Variants in SMG6 observed in about 807,000 individuals in gnomAD.
SMG6 encodes SMG6 nonsense mediated mRNA decay factor, also known as telomerase-binding protein EST1A.
A neutral mutation model predicts 142.2 loss-of-function variants in SMG6; 66 were observed. The observed-to-expected ratio is 0.46, with a 90% CI of 0.38 to 0.57. The LOEUF is 0.57. SMG6 is among the 20% of genes least tolerant of loss of function. The pLI is 0.00. For missense variants in SMG6, 1,793 were observed against 1,832.0 expected, an observed-to-expected ratio of 0.98 and a Z score of 0.39; for synonymous variants, 779 against 702.4, an observed-to-expected ratio of 1.11 and a Z score of -1.72.
At chr17:2,168,116 C>T (rs571100116) in intron 13 of SMG6, among the ~76,000 whole-genome samples, 1 of 152,160 alleles carries the variant, frequency 6.6e-6, no homozygotes, top group Admixed American at 6.5e-5. Flanking sequence ...GCTCCTCCCA[C>T]TTTGGCCTTC....
intron 6 of SMG6, among the ~76,000 whole-genome samples, chr17:2,286,922 AATTT>A (rs2074918119): frequency 7.2e-6 from 1 of 138,796 alleles, no homozygotes. Flanking sequence ...AACATAAAAT[AATTT>A]TTTTTTTTTT....
intron 10 of SMG6, among the ~76,000 whole-genome samples, chr17:2,203,483 C>T (rs999925790): frequency 6.6e-6 from 1 of 152,186 alleles, no homozygotes; most frequent in Non-Finnish European, 1.5e-5. Flanking sequence ...GGAAGCTTGC[C>T]TCTCTCCCAG....
intron 13 of SMG6, among the ~76,000 whole-genome samples, chr17:2,142,756 C>T (rs1021656151): frequency 2.0e-5 from 3 of 151,826 alleles, no homozygotes; most frequent in East Asian, 1.9e-4. Context: ...GGCGTGGTGG[C>T]GCATGCCTGT....
chr17:2,192,418 C>A (rs2126202), intron 10 of SMG6, among the ~76,000 whole-genome samples: 75,928 of 152,032 alleles, frequency 0.5, 19,188 homozygotes, highest in East Asian at 0.64. Context: ...TGGATGACAC[C>A]TAAGTCTGAT....
chr17:2,136,012 GTGTGTGTGTGTGTGTGTGTGTGTGTC>G (rs901696090), intron 13 of SMG6, among the ~76,000 whole-genome samples: 1 of 149,204 alleles, frequency 6.7e-6, no homozygotes, highest in African/African-American at 2.5e-5. Context: ...GTGTGTGTGT[GTGTGTGTGTGTGTGTGTGTGTGTGTC>G]TGTGTGTGTA....
intron 13 of SMG6, among the ~76,000 whole-genome samples, chr17:2,137,231 G>T (rs182358901): frequency 6.6e-6 from 1 of 152,256 alleles, no homozygotes; most frequent in East Asian, 1.9e-4. Flanking sequence ...ACGCTTCTTG[G>T]TACAGGTTAC....
chr17:2,186,768 G>A lies in SMG6; in HGVS notation c.3050C>T (p.Pro1017Leu), dbSNP rs749623828. Residue 1017 changes from proline (P) to leucine (L), a missense_variant, in exon 12 of 19, where the codon CCG becomes CTG. By Grantham distance (98) the Pro-to-Leu change is moderately conservative. This residue lies in a region of SMG6 where 1,597 missense variants were observed against 1,584.6 expected (regional missense o/e 1.01). Coordinates refer to ENST00000263073, the MANE Select transcript of SMG6 (RefSeq NM_017575.5). ...ACTGGGGAGCAGCTCCTTCAGGTCCGGGACAAAGGAAGACACCTTGATGTC... is the reference window on the plus strand; with the variant it reads ...ACTGGGGAGCAGCTCCTTCAGGTCCAGGACAAAGGAAGACACCTTGATGTC... Reference protein sequence around the residue: ...QDDIKVSSFVPDLKELLPSVK... With the variant: ...QDDIKVSSFVLDLKELLPSVK... 18 of 1,614,080 alleles carry A rather than the reference G, an allele frequency of 1.1e-5. No individual in the cohort carries two copies. The highest frequency in any genetic ancestry group is 8.9e-5 in the East Asian group (4 of 44,886).
rs142087324 is a variant in SMG6 at position 2,200,979 on chromosome 17, G to T, written c.2870-12464C>A. 2.0e-5 allele frequency among the ~76,000 whole-genome samples: 3 copies of T among 152,252 alleles called. No homozygotes were observed. The East Asian group carries it at 5.8e-4, about 29-fold the overall frequency. Reference sequence around the variant, plus strand: ...ATCAACTGCAATACTCTGATAAATAGCCCCTTTGCCAATGTATCTGTAATT... The same window carrying T: ...ATCAACTGCAATACTCTGATAAATATCCCCTTTGCCAATGTATCTGTAATT... On this transcript the variant is annotated intron_variant, in intron 10 of 18. Coordinates refer to ENST00000263073, the MANE Select transcript of SMG6 (RefSeq NM_017575.5).
chr17:2,239,429 TA>T (rs1188349137), intron 9 of SMG6, among the ~76,000 whole-genome samples: 1 of 152,180 alleles, frequency 6.6e-6, no homozygotes, highest in African/African-American at 2.4e-5. Context: ...GGAAGCAATC[TA>T]AAGTGCCCAA....
Position 2,061,436 on chromosome 17 carries a change from C to T in SMG6, c.*56G>A, listed in dbSNP as rs550810571. ...TGGGCATCTTCCGTGCTACACTGGG[C>T]GCCTGGTGGCCTTTCAGGAACGGTT... On this transcript the variant is annotated 3_prime_UTR_variant, in exon 19 of 19. Coordinates refer to ENST00000263073, the MANE Select transcript of SMG6 (RefSeq NM_017575.5). 3.0e-3 allele frequency: 4,544 copies of T among 1,516,544 alleles called. 12 individuals are homozygous for T. Among genetic ancestry groups the T allele is most frequent in the Non-Finnish European group, 3.6e-3 (4,113 of 1,130,274 alleles). 93.9% of individuals were successfully genotyped at this position (1,516,544 alleles called of 1,614,324 possible). A position where few individuals can be genotyped will look rare whatever the true frequency, so the allele number is the denominator to read the frequency against.
intron 13 of SMG6, among the ~76,000 whole-genome samples, chr17:2,143,253 TATGTCCACATA>T (rs1316286762): frequency 6.6e-6 from 1 of 152,166 alleles, no homozygotes; most frequent in Non-Finnish European, 1.5e-5. Flanking sequence ...AATGAAAACA[TATGTCCACATA>T]AAAACTCATA....
At chr17:2,066,245 CGTGT>C (rs372078939) in intron 16 of SMG6, among the ~76,000 whole-genome samples, 1 of 151,944 alleles carries the variant, frequency 6.6e-6, no homozygotes, top group South Asian at 2.1e-4. Context: ...TGATACTGCA[CGTGT>C]GTGTGTGCGC....
chr17:2,258,492 GGTTGCA>G (rs2074242126), intron 8 of SMG6, among the ~76,000 whole-genome samples: 1 of 151,688 alleles, frequency 6.6e-6, no homozygotes, highest in African/African-American at 2.4e-5. Context: ...GGGAAATGGA[GGTTGCA>G]GTGAGCCAAG....
chr17:2,228,182 G>C (rs968333288), intron 10 of SMG6, among the ~76,000 whole-genome samples: 1 of 152,000 alleles, frequency 6.6e-6, no homozygotes. Flanking sequence ...TTGTGCCTCA[G>C]CCTCTTGAGT....
At chr17:2,277,281 C>T (rs1314996263) in intron 8 of SMG6, among the ~76,000 whole-genome samples, 1 of 151,760 alleles carries the variant, frequency 6.6e-6, no homozygotes, top group Admixed American at 6.6e-5. Context: ...ATTCTCCTGC[C>T]TCAGCCTCCC....
chr17:2,299,435 T>C lies in SMG6; in HGVS notation c.1318A>G (p.Ser440Gly). The change falls in exon 2 of 19, where the codon AGT (serine) becomes GGT (glycine). Residue 440 changes from serine (S) to glycine (G), a missense_variant. By Grantham distance (56) the Ser-to-Gly change is moderately conservative. Transcript: ENST00000263073. This position sits in a 1 kb window ranked among gnomAD's most constrained non-coding sequence, Gnocchi z 4.3. ...CGGCCCCAACTCCGAGATCCCTTAC[T>C]ACCAGATCCAAACAAAAGCCGAGGT... ...LGPRLLFGSG[S>G]KGSRSWGRGG... The C allele has an allele frequency of 6.2e-7, 1 of 1,614,086 alleles. No individual in the cohort carries two copies. Among genetic ancestry groups the C allele is most frequent in the South Asian group, 1.1e-5 (1 of 91,086 alleles).
intron 15 of SMG6, among the ~76,000 whole-genome samples, chr17:2,074,787 G>C (rs1046351352): frequency 2.6e-5 from 4 of 152,224 alleles, no homozygotes; most frequent in South Asian, 2.1e-4. Context: ...TAATCGGATT[G>C]AATTTTAACT....
chr17:2,158,697 C>T (rs1056021941), intron 13 of SMG6, among the ~76,000 whole-genome samples: 3 of 151,906 alleles, frequency 2.0e-5, no homozygotes, highest in Non-Finnish European at 2.9e-5. Context: ...GCAGGTAGAT[C>T]GCTGGAGATC....
intron 8 of SMG6, among the ~76,000 whole-genome samples, chr17:2,248,149 T>C (rs1483603543): frequency 6.6e-6 from 1 of 152,098 alleles, no homozygotes; most frequent in Admixed American, 6.6e-5. Flanking sequence ...CCCACTTCAT[T>C]CAAGCCTAAA....
Sources: allele counts gnomAD v4.1 joint callset (sites outside exome capture counted in the v4.1 genomes callset), GRCh38; gene constraint gnomAD v4.1.1; regional missense constraint gnomAD v4.1.1; non-coding constraint Gnocchi (gnomAD v3.1); transcripts MANE v1.5; gene names NCBI Gene and HGNC (gene_info 2026-07-23, HGNC 2026-07-21).